TRHDE: variants seen among roughly 807,000 people sequenced by gnomAD.
TRHDE encodes the protein thyrotropin releasing hormone degrading enzyme, also known as thyrotropin-releasing hormone-degrading ectoenzyme.
TRHDE carries 72 observed loss-of-function variants against 125.7 expected under a neutral mutation model. The observed-to-expected ratio is 0.57, with a 90% CI of 0.47 to 0.70. The LOEUF is 0.70. TRHDE is among the 30% of genes least tolerant of loss of function. The probability of loss-of-function intolerance (pLI) is 0.00; values close to 1 mark genes in which losing one functional copy is unlikely to be tolerated. For missense variants in TRHDE, 1,110 were observed against 1,327.1 expected, an observed-to-expected ratio of 0.84 and a Z score of 2.54; for synonymous variants, 509 against 509.1, an observed-to-expected ratio of 1.00 and a Z score of 0.00.
At chr12:72,455,539 T>C (rs1241493739) in intron 3 of TRHDE, among the ~76,000 whole-genome samples, 1 of 152,138 alleles carries the variant, frequency 6.6e-6, no homozygotes, top group Non-Finnish European at 1.5e-5. Flanking sequence ...TTATTTTTAA[T>C]TGAGTGCAGA....
intron 2 of TRHDE, among the ~76,000 whole-genome samples, chr12:72,184,306 G>T (rs1877157229): frequency 6.6e-6 from 1 of 152,008 alleles, no homozygotes. Context: ...TGGTGGGGAG[G>T]TAACATCCTT....
At chr12:72,253,612 T>C (rs1878737945) in intron 2 of TRHDE, 2 of 152,150 alleles carry the variant, frequency 1.3e-5, no homozygotes, top group African/African-American at 4.8e-5. Flanking sequence ...CACACATGTA[T>C]AGCTTCCCTC....
At position 72,640,276 on chromosome 12, in the gene TRHDE, G is replaced by C. The variant is rs568372993; in HGVS notation, c.2676-12046G>C. Among the ~76,000 whole-genome samples the C allele has an allele frequency of 3.0e-3, 455 of 152,304 alleles. 1 individual carries two copies. Among genetic ancestry groups the C allele is most frequent in the African/African-American group, 0.01 (422 of 41,570 alleles). ...GGAGTGACCCGATCTTCCAGGTGCC[G>C]TCTGTCACCCCTTTCTTTGACAAGG... On this transcript the variant is annotated intron_variant, in intron 15 of 18. Coordinates refer to ENST00000261180, the MANE Select transcript of TRHDE (RefSeq NM_013381.3).
chr12:72,657,451 CATA>C (rs1420309836), intron 18 of TRHDE, among the ~76,000 whole-genome samples: 1 of 152,166 alleles, frequency 6.6e-6, no homozygotes, highest in Non-Finnish European at 1.5e-5. Flanking sequence ...ACATACTGTA[CATA>C]ATAATATTGC....
chr12:72,532,830 C>A (rs1868629118), intron 6 of TRHDE, among the ~76,000 whole-genome samples: 1 of 149,666 alleles, frequency 6.7e-6, no homozygotes, highest in Non-Finnish European at 1.5e-5. Flanking sequence ...ATTAACTTGT[C>A]TTTATATTAG....
chr12:72,268,132 C>A (rs969627144), upstream of TRHDE, among the ~76,000 whole-genome samples: 1 of 152,138 alleles, frequency 6.6e-6, no homozygotes, highest in Non-Finnish European at 1.5e-5. Flanking sequence ...GGCACCACTT[C>A]AGCTGCTAAA....
rs1879357706 is a variant in TRHDE, at chr12:72,273,656, C to G, written c.914+99C>G. ...CGGGGACCCAGCTGGCTTCCAATAC[C>G]CGGGAAGCCAGGGGTGGGGGGAAGG... On this transcript the variant is annotated intron_variant, in intron 1 of 18. Coordinates refer to ENST00000261180, the MANE Select transcript of TRHDE (RefSeq NM_013381.3). This position sits in a 1 kb window ranked among gnomAD's most constrained non-coding sequence, Gnocchi z 5.3. 1.7e-6 allele frequency: 2 copies of G among 1,204,570 alleles called. No individual in the cohort carries two copies. The highest frequency in any genetic ancestry group is 2.3e-6 in the Non-Finnish European group (2 of 863,894). The allele number at this position is 1,204,570 out of a possible 1,614,324, so 74.6% of individuals were successfully genotyped here.
intron 2 of TRHDE, among the ~76,000 whole-genome samples, chr12:72,306,125 G>A (rs564012060): frequency 2.6e-5 from 4 of 152,124 alleles, no homozygotes; most frequent in South Asian, 4.1e-4. Flanking sequence ...ATATCAAATC[G>A]AAACTCAGTT....
At chr12:72,099,863 T>G (rs1434677529) in intron 1 of TRHDE, among the ~76,000 whole-genome samples, 1 of 152,220 alleles carries the variant, frequency 6.6e-6, no homozygotes, top group African/African-American at 2.4e-5. Context: ...ATTTTTATGT[T>G]GATTCTAATA....
intron 9 of TRHDE, among the ~76,000 whole-genome samples, chr12:72,567,341 G>GTTTT (rs1427076169): frequency 2.0e-5 from 3 of 151,722 alleles, no homozygotes; most frequent in Non-Finnish European, 4.4e-5. Context: ...ATAGGATATA[G>GTTTT]TTTTAAAATT....
intron 3 of TRHDE, among the ~76,000 whole-genome samples, chr12:72,443,063 T>G (rs2135858317): frequency 6.6e-6 from 1 of 151,938 alleles, no homozygotes; most frequent in East Asian, 1.9e-4. Flanking sequence ...TAGCATGACA[T>G]GTAAAGTCCT....
At chr12:72,223,648 A>G (rs1022192223) in intron 2 of TRHDE, among the ~76,000 whole-genome samples, 1 of 152,142 alleles carries the variant, frequency 6.6e-6, no homozygotes, top group Admixed American at 6.6e-5. Context: ...TATCTTAATC[A>G]GTATATTCAG....
chr12:72,143,663 T>C (rs1032856039), intron 2 of TRHDE, among the ~76,000 whole-genome samples: 1 of 152,072 alleles, frequency 6.6e-6, no homozygotes, highest in Non-Finnish European at 1.5e-5. Context: ...GCCATTTTTA[T>C]AGGGCTAGAG....
intron 6 of TRHDE, among the ~76,000 whole-genome samples, chr12:72,536,647 G>A (rs1295092503): frequency 6.6e-6 from 1 of 151,974 alleles, no homozygotes; most frequent in Non-Finnish European, 1.5e-5. Context: ...TGGGAAATCT[G>A]AGCAGTGCAT....
intron 15 of TRHDE, among the ~76,000 whole-genome samples, chr12:72,643,092 G>A (rs1368473488): frequency 6.6e-6 from 1 of 152,154 alleles, no homozygotes; most frequent in East Asian, 1.9e-4. Context: ...ATGATCTTGT[G>A]AACTTTAGAT....
intron 5 of TRHDE, among the ~76,000 whole-genome samples, chr12:72,480,201 T>C (rs976508096): frequency 6.6e-6 from 1 of 151,508 alleles, no homozygotes. Context: ...CTGGGTCAAA[T>C]GGTATTTCTA....
At chr12:72,192,394 A>G (rs2139349545) in intron 2 of TRHDE, among the ~76,000 whole-genome samples, 1 of 152,126 alleles carries the variant, frequency 6.6e-6, no homozygotes, top group East Asian at 1.9e-4. Context: ...AGCAACAATA[A>G]TTTGATTGAT....
At chr12:72,556,381 A>C (rs917447543) in intron 7 of TRHDE, among the ~76,000 whole-genome samples, 4 of 152,230 alleles carry the variant, frequency 2.6e-5, no homozygotes, top group Non-Finnish European at 5.9e-5. Context: ...CCAGGCTTAC[A>C]AAATAGAATA....
At chr12:72,507,150 A>G (rs1878389594) in intron 6 of TRHDE, among the ~76,000 whole-genome samples, 1 of 152,214 alleles carries the variant, frequency 6.6e-6, no homozygotes, top group African/African-American at 2.4e-5. Context: ...ACTGTGAGCC[A>G]ATTAAACCTC....
Sources: allele counts gnomAD v4.1 joint callset (sites outside exome capture counted in the v4.1 genomes callset), GRCh38; gene constraint gnomAD v4.1.1; non-coding constraint Gnocchi (gnomAD v3.1); transcripts MANE v1.5; gene names NCBI Gene and HGNC (gene_info 2026-07-23, HGNC 2026-07-21).